The following SPOCK1 variants were observed in gnomAD, a reference collection of about 807,000 sequenced individuals.
The protein encoded by SPOCK1 is SPARC (osteonectin), cwcv and kazal like domains proteoglycan 1.
SPOCK1 carries 23 observed loss-of-function variants against 55.3 expected under a neutral mutation model. The ratio of observed to expected loss-of-function variants is 0.42; its 90% CI spans 0.30 to 0.59. The LOEUF (loss-of-function observed/expected upper bound fraction) is 0.59. Among genes scored for constraint, SPOCK1 ranks in the 20% least tolerant of loss-of-function variants. The probability of loss-of-function intolerance (pLI) is 0.22; values close to 1 mark genes in which losing one functional copy is unlikely to be tolerated. For missense variants in SPOCK1, 499 were observed against 552.5 expected (o/e 0.90, Z 0.97); for synonymous variants, 226 against 221.0 (o/e 1.02, Z -0.20).
In SPOCK1 at chr5:137,080,014, C is replaced by T. The variant is rs1190719969; in HGVS notation, c.475-12185G>A. On this transcript the variant is annotated intron_variant, in intron 5 of 10. Transcript: ENST00000394945. ...CTATGTATTCTTCATAATACAGATA[C>T]GAGCACTAAGTATATTTCTATTCTT... 1.8e-4 allele frequency among the ~76,000 whole-genome samples: 27 copies of T among 152,264 alleles called. No homozygotes were observed. The East Asian group carries it at 3.3e-3, about 19-fold the overall frequency.
At position 137,498,426 on chromosome 5, in the gene SPOCK1, G is replaced by A; in HGVS notation, c.133C>T (p.Leu45=). ...CGGTCGTACTGGGAGACGGTGCTCA[G>A]CCACTGGTCATTGTCTAGGAAATTG... ...HGNFLDNDQW[L]STVSQYDRDK... Residue 45 remains leucine, a synonymous_variant, in exon 2 of 11, where the codon CTG becomes TTG. Coordinates refer to ENST00000394945, the MANE Select transcript of SPOCK1 (RefSeq NM_004598.4). 3 of 1,610,512 alleles carry A rather than the reference G, an allele frequency of 1.9e-6. No individual in the cohort carries two copies. Among genetic ancestry groups the A allele is most frequent in the Non-Finnish European group, 8.5e-7 (1 of 1,178,582 alleles).
intron 6 of SPOCK1, among the ~76,000 whole-genome samples, chr5:137,041,079 C>A (rs1350421557): frequency 3.3e-5 from 5 of 151,950 alleles, no homozygotes; most frequent in African/African-American, 1.2e-4. Context: ...AGTATGAAGT[C>A]TCATATTACT....
chr5:137,344,379 C>A (rs1163429952), intron 2 of SPOCK1, among the ~76,000 whole-genome samples: 1 of 152,254 alleles, frequency 6.6e-6, no homozygotes, highest in Non-Finnish European at 1.5e-5. Flanking sequence ...GCGTGAATAA[C>A]CTTCTGTGAA....
At chr5:137,109,832 C>T (rs967841892) in intron 5 of SPOCK1, among the ~76,000 whole-genome samples, 4 of 152,188 alleles carry the variant, frequency 2.6e-5, no homozygotes, top group Non-Finnish European at 5.9e-5. Context: ...CCCTATAAAA[C>T]AAGTCTCTCT....
chr5:137,016,985 G>A (rs572012422), intron 6 of SPOCK1, among the ~76,000 whole-genome samples: 11 of 152,366 alleles, frequency 7.2e-5, no homozygotes, highest in African/African-American at 2.6e-4. Flanking sequence ...CTGGAGCGCT[G>A]AGGCTCCTCC....
chr5:137,456,176 G>A (rs1173128170), intron 2 of SPOCK1, among the ~76,000 whole-genome samples: 2 of 152,164 alleles, frequency 1.3e-5, no homozygotes, highest in Non-Finnish European at 2.9e-5. Flanking sequence ...GCCTGAATCT[G>A]AGAAACTTCT....
intron 3 of SPOCK1, among the ~76,000 whole-genome samples, chr5:137,173,177 G>A (rs1754784837): frequency 6.6e-6 from 1 of 152,054 alleles, no homozygotes; most frequent in African/African-American, 2.4e-5. Context: ...TACATGGTCT[G>A]AACTCAACAC....
chr5:137,086,591 G>A (rs140778063), intron 5 of SPOCK1, among the ~76,000 whole-genome samples: 16 of 152,248 alleles, frequency 1.1e-4, no homozygotes, highest in African/African-American at 3.8e-4. Context: ...TGTATGCCGG[G>A]TTGGAATGAC....
chr5:137,094,436 A>G (rs1753104832), intron 5 of SPOCK1, among the ~76,000 whole-genome samples: 1 of 152,216 alleles, frequency 6.6e-6, no homozygotes, highest in African/African-American at 2.4e-5. Context: ...AGCAAATATT[A>G]CAATAAAGTG....
chr5:137,054,926 C>T (rs543520757), intron 6 of SPOCK1, among the ~76,000 whole-genome samples: 11 of 152,196 alleles, frequency 7.2e-5, no homozygotes, highest in African/African-American at 2.6e-4. Context: ...AGTGCCAGTA[C>T]ATAAGGTCCA....
intron 4 of SPOCK1, among the ~76,000 whole-genome samples, chr5:137,124,664 T>G (rs565304423): frequency 4.2e-4 from 64 of 152,250 alleles, no homozygotes; most frequent in South Asian, 2.1e-3. Flanking sequence ...CCTTTTTTAC[T>G]TCCTTAAGGC....
chr5:137,170,837 A>G (rs1754742139), intron 3 of SPOCK1, among the ~76,000 whole-genome samples: 1 of 152,084 alleles, frequency 6.6e-6, no homozygotes, highest in African/African-American at 2.4e-5. Flanking sequence ...AGGTGCTACC[A>G]CTGTTATCAT....
At chr5:137,067,493 G>A (rs916268114) in intron 6 of SPOCK1, among the ~76,000 whole-genome samples, 42 of 152,146 alleles carry the variant, frequency 2.8e-4, no homozygotes, top group African/African-American at 9.7e-4. Flanking sequence ...GAACCTAGTG[G>A]ATATCCTGGT....
At chr5:137,076,912 G>C (rs532533198) in intron 5 of SPOCK1, among the ~76,000 whole-genome samples, 22 of 152,140 alleles carry the variant, frequency 1.4e-4, no homozygotes, top group African/African-American at 4.6e-4. Flanking sequence ...CACAAGGTGA[G>C]TAAGTAGCAG....
chr5:137,454,035 T>C (rs1753314348), intron 2 of SPOCK1, among the ~76,000 whole-genome samples: 1 of 152,000 alleles, frequency 6.6e-6, no homozygotes, highest in African/African-American at 2.4e-5. Flanking sequence ...AGACGGATAC[T>C]ACTTGGGATC....
At chr5:137,193,938 A>G (rs1294900421) in intron 3 of SPOCK1, among the ~76,000 whole-genome samples, 1 of 152,112 alleles carries the variant, frequency 6.6e-6, no homozygotes, top group Non-Finnish European at 1.5e-5. Flanking sequence ...ATAGTGTGGA[A>G]ATTAGAATGG....
At chr5:137,367,084 T>C (rs1354001847) in intron 2 of SPOCK1, among the ~76,000 whole-genome samples, 3 of 152,210 alleles carry the variant, frequency 2.0e-5, no homozygotes, top group Non-Finnish European at 4.4e-5. Flanking sequence ...TTAAAGTACG[T>C]GAAGTATCTG....
At chr5:137,056,318 G>T (rs988583555) in intron 6 of SPOCK1, among the ~76,000 whole-genome samples, 1 of 152,124 alleles carries the variant, frequency 6.6e-6, no homozygotes, top group African/African-American at 2.4e-5. Context: ...CTGGAGGCTG[G>T]GGAGAACCAG....
At chr5:137,082,337 TG>T (rs547457954) in intron 5 of SPOCK1, among the ~76,000 whole-genome samples, 56 of 152,212 alleles carry the variant, frequency 3.7e-4, no homozygotes, top group Admixed American at 8.5e-4. Context: ...GGCCAGCCCA[TG>T]GGGACAAAGG....
Sources: allele counts gnomAD v4.1 joint callset (sites outside exome capture counted in the v4.1 genomes callset), GRCh38; gene constraint gnomAD v4.1.1; transcripts MANE v1.5; gene names NCBI Gene and HGNC (gene_info 2026-07-23, HGNC 2026-07-21).